SERPINB12: variants seen among roughly 807,000 people sequenced by gnomAD.
SERPINB12 encodes the protein serpin family B member 12.
SERPINB12 carries 57 observed loss-of-function variants against 41.1 expected under a neutral mutation model. That is an observed-to-expected ratio of 1.39 (90% CI 1.12 to 1.73). SERPINB12 has a LOEUF of 1.73. SERPINB12 is among the 40% of genes most tolerant of loss of function. SERPINB12 has a pLI of 0.00. For synonymous variants in SERPINB12, 180 were observed against 181.3 expected (o/e 0.99, Z 0.06); for missense variants, 536 against 501.9 (o/e 1.07, Z -0.65).
the SERPINB12 span, among the ~76,000 whole-genome samples, chr18:63,533,013 C>T: frequency 6.6e-6 from 1 of 151,992 alleles, no homozygotes. Flanking sequence ...GAATCTTGCT[C>T]TGTTGTCCAG....
chr18:63,568,465 C>T lies in SERPINB12; in HGVS notation c.*1454C>T, dbSNP rs1280304638. On this transcript the variant is annotated 3_prime_UTR_variant, in exon 8 of 8. Transcript: ENST00000382768. ...AAGGCCATTGGGCTCATCTCAAGCT[C>T]TAGTCTACTGAAGGCCTGACCTCTG... Among the ~76,000 whole-genome samples, 1 of 152,156 alleles carries T rather than the reference C, an allele frequency of 6.6e-6. No homozygotes were observed. Among genetic ancestry groups the T allele is most frequent in the Admixed American group, 6.5e-5 (1 of 15,280 alleles).
chr18:63,560,734 A>G (rs1241647216), intron 4 of SERPINB12, among the ~76,000 whole-genome samples: 1 of 152,182 alleles, frequency 6.6e-6, no homozygotes, highest in East Asian at 1.9e-4. Context: ...TAATTCTTAA[A>G]AACAGAAGCA....
At chr18:63,538,681 G>C (rs1025676527), upstream of SERPINB12, among the ~76,000 whole-genome samples, 51 of 152,098 alleles carry the variant, frequency 3.4e-4, no homozygotes, top group Admixed American at 1.3e-4. Flanking sequence ...GTGGACATAG[G>C]TTTTCATTTA....
chr18:63,566,939 C>T lies in SERPINB12; in HGVS notation c.1206C>T (p.His402=). ...LRSWVEFNAN[H]PFLFFIRHNK... is the part of the protein sequence containing the mutation. ...CTTGGGTGGAGTTTAATGCCAACCACCCTTTTCTCTTTTTCATTAGACACA... is the reference window on the plus strand; with the variant it reads ...CTTGGGTGGAGTTTAATGCCAACCATCCTTTTCTCTTTTTCATTAGACACA... The change falls in exon 8 of 8, where the codon CAC becomes CAT. Residue 402 remains histidine (H), a synonymous_variant. Coordinates refer to ENST00000382768, the MANE Select transcript of SERPINB12 (RefSeq NM_001307928.2). 1 of 1,613,730 alleles carries T rather than the reference C, an allele frequency of 6.2e-7. No homozygotes were observed. The highest frequency in any genetic ancestry group is 8.5e-7 in the Non-Finnish European group (1 of 1,179,932).
chr18:63,533,040 G>C, the SERPINB12 span, among the ~76,000 whole-genome samples: 1 of 151,842 alleles, frequency 6.6e-6, no homozygotes, highest in African/African-American at 2.4e-5. Context: ...GTGCAGTGGC[G>C]CAATCTCAGC....
chr18:63,539,717 C>A (rs145561298), upstream of SERPINB12, among the ~76,000 whole-genome samples: 5 of 152,240 alleles, frequency 3.3e-5, no homozygotes, highest in Middle Eastern at 3.4e-3. Flanking sequence ...TCCCCAAGCA[C>A]ACTGGGAGGT....
At chr18:63,527,161 T>C in the SERPINB12 span, among the ~76,000 whole-genome samples, 1 of 152,360 alleles carries the variant, frequency 6.6e-6, no homozygotes, top group East Asian at 1.9e-4. Flanking sequence ...TAAATTTTAG[T>C]AACAAATTTT....
At chr18:63,520,026 C>T in the SERPINB12 span, among the ~76,000 whole-genome samples, 8 of 152,142 alleles carry the variant, frequency 5.3e-5, no homozygotes, top group South Asian at 2.1e-4. Context: ...CCATGTGAAA[C>T]GCGCTCATCA....
chr18:63,524,604 T>A, the SERPINB12 span, among the ~76,000 whole-genome samples: 1 of 151,980 alleles, frequency 6.6e-6, no homozygotes, highest in Non-Finnish European at 1.5e-5. Flanking sequence ...ATTTCTTTTA[T>A]AAATTTATTA....
Position 63,556,314 on chromosome 18 carries a change from A to G in SERPINB12, c.155A>G (p.His52Arg). 1 of 1,613,890 alleles carries G rather than the reference A, an allele frequency of 6.2e-7. No homozygotes were observed. The highest frequency in any genetic ancestry group is 8.5e-7 in the Non-Finnish European group (1 of 1,179,870). The change falls in exon 2 of 8, where the codon CAT becomes CGT. Residue 52 changes from histidine to arginine, a missense_variant. Physicochemically the swap from His to Arg is conservative, Grantham distance 29. Transcript: ENST00000382768. Reference protein sequence around the residue: ...VRLGARSDSAHQIDEVLHFNE... With the variant: ...VRLGARSDSARQIDEVLHFNE... ...TTGGGTGCTAGAAGTGACAGTGCACATCAGATTGATGAGGTACGTGTCCAC... is the reference window on the plus strand; with the variant it reads ...TTGGGTGCTAGAAGTGACAGTGCACGTCAGATTGATGAGGTACGTGTCCAC...
At chr18:63,520,463 G>A in the SERPINB12 span, among the ~76,000 whole-genome samples, 4 of 152,230 alleles carry the variant, frequency 2.6e-5, no homozygotes, top group African/African-American at 9.6e-5. Flanking sequence ...AGTCACAGAT[G>A]CATGGTGGGG....
At chr18:63,530,424 C>T in the SERPINB12 span, among the ~76,000 whole-genome samples, 14 of 152,166 alleles carry the variant, frequency 9.2e-5, no homozygotes, top group Non-Finnish European at 1.8e-4. Flanking sequence ...AGGTCTAGAC[C>T]CACCTTCCCC....
chr18:63,528,127 T>C, the SERPINB12 span, among the ~76,000 whole-genome samples: 1 of 152,106 alleles, frequency 6.6e-6, no homozygotes, highest in Non-Finnish European at 1.5e-5. Context: ...AATTACCCCA[T>C]CTTGGGTATG....
chr18:63,523,312 T>C, the SERPINB12 span, among the ~76,000 whole-genome samples: 1 of 152,218 alleles, frequency 6.6e-6, no homozygotes, highest in Non-Finnish European at 1.5e-5. Flanking sequence ...AGTTCATTTT[T>C]CCTAAGTAGT....
At chr18:63,535,287 A>G in the SERPINB12 span, among the ~76,000 whole-genome samples, 5 of 152,188 alleles carry the variant, frequency 3.3e-5, no homozygotes, top group Admixed American at 2.6e-4. Flanking sequence ...TAACTTTACA[A>G]TGGAGAAATC....
Position 63,559,693 on chromosome 18 carries a change from G to C in SERPINB12, c.419G>C (p.Gly140Ala), listed in dbSNP as rs1205143634. ...CTGAGTATTGCCAACAGGCTTTATG[G>C]AGAGCAGGAATTCCCAATCTGTCAG... ...YTLSIANRLY[G>A]EQEFPICQEY... The change falls in exon 4 of 8, where the codon GGA becomes GCA. Residue 140 changes from glycine to alanine, a missense_variant. Physicochemically the swap from Gly to Ala is moderately conservative, Grantham distance 60. Coordinates refer to ENST00000382768, the MANE Select transcript of SERPINB12 (RefSeq NM_001307928.2). 5.6e-6 allele frequency: 9 copies of C among 1,613,938 alleles called. 1 individual carries two copies. In the South Asian group the frequency reaches 8.8e-5, roughly 16 times the overall value.
the SERPINB12 span, among the ~76,000 whole-genome samples, chr18:63,533,131 C>G: frequency 1.3e-5 from 2 of 152,124 alleles, no homozygotes; most frequent in Non-Finnish European, 2.9e-5. Context: ...GCGCCCACCA[C>G]CATGCCTGGC....
intron 1 of SERPINB12, among the ~76,000 whole-genome samples, chr18:63,554,126 T>C (rs1219133691): frequency 6.6e-6 from 1 of 152,118 alleles, no homozygotes; most frequent in Non-Finnish European, 1.5e-5. Flanking sequence ...AAATGGACTA[T>C]AAGCTGAATA....
intron 1 of SERPINB12, among the ~76,000 whole-genome samples, chr18:63,547,067 A>G (rs1046101609): frequency 6.6e-6 from 1 of 152,200 alleles, no homozygotes; most frequent in Non-Finnish European, 1.5e-5. Flanking sequence ...ACTTGTTTTT[A>G]TTAAGTCAAA....
Sources: allele counts gnomAD v4.1 joint callset (sites outside exome capture counted in the v4.1 genomes callset), GRCh38; gene constraint gnomAD v4.1.1; transcripts MANE v1.5; gene names NCBI Gene and HGNC (gene_info 2026-07-23, HGNC 2026-07-21).